SPOCK3: variants seen among roughly 807,000 people sequenced by gnomAD.
SPOCK3 encodes the protein SPARC (osteonectin), cwcv and kazal like domains proteoglycan 3.
Under a neutral mutation model 56.6 loss-of-function variants are expected in SPOCK3, and 30 were observed. The observed-to-expected ratio is 0.53, with a 90% CI of 0.40 to 0.72. SPOCK3 has a LOEUF of 0.72. Ranked by LOEUF, SPOCK3 falls within the 30% of genes least tolerant of loss-of-function variation. The pLI, the probability that SPOCK3 is intolerant of heterozygous loss-of-function variation, is 0.00. For missense variants in SPOCK3, 527 were observed against 530.0 expected (o/e 0.99, Z 0.06); for synonymous variants, 196 against 183.3 (o/e 1.07, Z -0.56).
intron 2 of SPOCK3, among the ~76,000 whole-genome samples, chr4:167,184,363 C>A (rs1731770454): frequency 6.6e-6 from 1 of 152,116 alleles, no homozygotes; most frequent in Admixed American, 6.5e-5. Context: ...TTAAATGCTC[C>A]TAATTCACTA....
chr4:167,183,847 C>T (rs1403981327), intron 2 of SPOCK3, among the ~76,000 whole-genome samples: 1 of 152,136 alleles, frequency 6.6e-6, no homozygotes, highest in African/African-American at 2.4e-5. Flanking sequence ...ATCAACCTAA[C>T]ATTACCCTCA....
chr4:166,878,585 T>A (rs535497270), intron 6 of SPOCK3, among the ~76,000 whole-genome samples: 3 of 152,164 alleles, frequency 2.0e-5, no homozygotes, highest in African/African-American at 4.8e-5. Context: ...TGTAGTAAGT[T>A]CATTTTAAAA....
chr4:167,160,756 TC>T, intron 2 of SPOCK3, among the ~76,000 whole-genome samples: 1 of 152,266 alleles, frequency 6.6e-6, no homozygotes, highest in East Asian at 1.9e-4. Context: ...AACTATCTGA[TC>T]TTTGACAAAC....
chr4:167,103,216 T>C (rs1437820098), intron 2 of SPOCK3, among the ~76,000 whole-genome samples: 3 of 152,070 alleles, frequency 2.0e-5, no homozygotes, highest in East Asian at 3.9e-4. Flanking sequence ...TACTACACCA[T>C]GGACCTTGAG....
At chr4:166,995,500 G>A (rs889235783) in intron 4 of SPOCK3, among the ~76,000 whole-genome samples, 1 of 151,724 alleles carries the variant, frequency 6.6e-6, no homozygotes, top group Non-Finnish European at 1.5e-5. Flanking sequence ...TGATAATTAT[G>A]GAAAAAATGT....
rs563366140 is a variant in SPOCK3, at chr4:167,172,268, A to G, written c.189+61717T>C. On this transcript the variant is annotated intron_variant, in intron 2 of 10. Transcript: ENST00000357545. Reference sequence around the variant, plus strand: ...AAGTTCATAATCAAAATTTCTTCACAAAGTCATTTTTACAAACTTCATTGA... The same window carrying G: ...AAGTTCATAATCAAAATTTCTTCACGAAGTCATTTTTACAAACTTCATTGA... Among the ~76,000 whole-genome samples, 253 of 152,310 alleles carry G rather than the reference A, an allele frequency of 1.7e-3. No individual in the cohort carries two copies. In the Middle Eastern group the frequency reaches 0.037, roughly 23 times the overall value.
At chr4:166,814,746 C>T (rs1744213713) in intron 6 of SPOCK3, among the ~76,000 whole-genome samples, 1 of 152,082 alleles carries the variant, frequency 6.6e-6, no homozygotes, top group African/African-American at 2.4e-5. Flanking sequence ...TCTTCCCCAG[C>T]TTGCAGGTGG....
At chr4:166,767,098 G>T (rs954773721) in intron 7 of SPOCK3, among the ~76,000 whole-genome samples, 2 of 151,744 alleles carry the variant, frequency 1.3e-5, no homozygotes, top group African/African-American at 4.8e-5. Context: ...TATTACTCTG[G>T]CTAGCAGTCT....
At chr4:167,059,952 T>C (rs1755397083) in intron 3 of SPOCK3, among the ~76,000 whole-genome samples, 1 of 145,184 alleles carries the variant, frequency 6.9e-6, no homozygotes, top group Non-Finnish European at 1.5e-5. Flanking sequence ...AATTGAACAA[T>C]GCGAACACAT....
At chr4:166,889,424 G>T (rs377315886) in intron 5 of SPOCK3, among the ~76,000 whole-genome samples, 180 bp from the exon 6 acceptor site, 1 of 151,818 alleles carries the variant, frequency 6.6e-6, no homozygotes, top group Non-Finnish European at 1.5e-5. Context: ...TTACTACTTC[G>T]TAAAAGAGGC....
At position 166,942,371 on chromosome 4, in the gene SPOCK3, C is replaced by T. The variant is rs538085279; in HGVS notation, c.351-29628G>A. On this transcript the variant is annotated intron_variant, in intron 4 of 10. Coordinates refer to ENST00000357545, the MANE Select transcript of SPOCK3 (RefSeq NM_001040159.2). ...GACTACAGGAGCGCAACACCATACC[C>T]AGCTAATTTTTGTATTTTTAGTAGA... 2.2e-4 allele frequency among the ~76,000 whole-genome samples: 34 copies of T among 151,600 alleles called. 1 individual carries two copies. The South Asian group carries it at 6.0e-3, about 27-fold the overall frequency.
chr4:166,953,747 A>G (rs1743017699), intron 4 of SPOCK3, among the ~76,000 whole-genome samples: 1 of 152,218 alleles, frequency 6.6e-6, no homozygotes, highest in African/African-American at 2.4e-5. Context: ...ATGGAATACT[A>G]TGCAGCCACA....
intron 7 of SPOCK3, among the ~76,000 whole-genome samples, chr4:166,772,442 T>G (rs1739054562): frequency 6.6e-6 from 1 of 152,100 alleles, no homozygotes; most frequent in Non-Finnish European, 1.5e-5. Context: ...CTGTGTCCAA[T>G]TTCCAGGAGC....
intron 4 of SPOCK3, among the ~76,000 whole-genome samples, chr4:166,950,997 T>C (rs1156428147): frequency 2.4e-5 from 3 of 125,590 alleles, no homozygotes; most frequent in African/African-American, 3.6e-5. Flanking sequence ...GGATCCAAAA[T>C]TGACACCCTA....
intron 3 of SPOCK3, among the ~76,000 whole-genome samples, chr4:167,060,317 C>G (rs1580165399): frequency 7.0e-6 from 1 of 142,386 alleles, no homozygotes; most frequent in South Asian, 2.3e-4. Context: ...AAAAAACAAA[C>G]AAAAAAGAAA....
chr4:167,030,329 T>A (rs1752151372), intron 3 of SPOCK3, among the ~76,000 whole-genome samples: 1 of 152,090 alleles, frequency 6.6e-6, no homozygotes, highest in Admixed American at 6.6e-5. Flanking sequence ...TTGAGCAAGA[T>A]AAACATTATT....
intron 3 of SPOCK3, among the ~76,000 whole-genome samples, chr4:167,044,764 ATGGGCAG>A (rs1330501201): frequency 6.6e-6 from 1 of 152,064 alleles, no homozygotes; most frequent in Non-Finnish European, 1.5e-5. Context: ...TAATTCCATT[ATGGGCAG>A]TCAGCAGTTA....
At chr4:166,803,274 A>G (rs1387937349) in intron 6 of SPOCK3, among the ~76,000 whole-genome samples, 1 of 152,168 alleles carries the variant, frequency 6.6e-6, no homozygotes, top group African/African-American at 2.4e-5. Context: ...GTTCACAAGT[A>G]TTTCTGAAAC....
intron 2 of SPOCK3, among the ~76,000 whole-genome samples, chr4:167,167,051 T>C (rs1730029070): frequency 6.6e-6 from 1 of 152,076 alleles, no homozygotes; most frequent in African/African-American, 2.4e-5. Flanking sequence ...TTTTATTTTA[T>C]TTTTATTCTT....
Sources: allele counts gnomAD v4.1 joint callset (sites outside exome capture counted in the v4.1 genomes callset), GRCh38; gene constraint gnomAD v4.1.1; transcripts MANE v1.5; gene names NCBI Gene and HGNC (gene_info 2026-07-23, HGNC 2026-07-21).